Variants in TIAM2 observed in about 807,000 individuals in gnomAD.
The protein encoded by TIAM2 is TIAM Rac1 associated GEF 2, also known as rho guanine nucleotide exchange factor TIAM2.
In TIAM2, 80 loss-of-function variants were observed where a neutral mutation model predicts 152.9. The observed-to-expected ratio is 0.52, with a 90% confidence interval of 0.44 to 0.63. The LOEUF is 0.63. Among genes scored for constraint, TIAM2 ranks in the 30% least tolerant of loss-of-function variants. The pLI is 0.00. For synonymous variants in TIAM2, 804 were observed against 838.0 expected, an observed-to-expected ratio of 0.96 and a Z score of 0.70; for missense variants, 1,965 against 2,120.1, an observed-to-expected ratio of 0.93 and a Z score of 1.44.
intron 1 of TIAM2, among the ~76,000 whole-genome samples, chr6:155,022,004 C>G (rs1010369176): frequency 2.6e-5 from 4 of 152,172 alleles, no homozygotes; most frequent in African/African-American, 9.7e-5. Context: ...CAGTTTACCT[C>G]TCAGTTTAAT....
In TIAM2 at chr6:155,195,163, G is replaced by A. The variant is rs1781310267; in HGVS notation, c.3064+11663G>A. ...TTTTCAACAAGATTCTAAGGCTTAA[G>A]GTGTGCAAAATAAAACTTGTAACTA... On this transcript the variant is annotated intron_variant, in intron 14 of 26. Transcript: ENST00000682666. Among the ~76,000 whole-genome samples the A allele has an allele frequency of 2.0e-5, 3 of 152,198 alleles. No individual in the cohort carries two copies. In the South Asian group the frequency reaches 6.2e-4, roughly 32 times the overall value.
intron 16 of TIAM2, among the ~76,000 whole-genome samples, chr6:155,242,291 C>A (rs1583279178): frequency 6.6e-6 from 1 of 152,262 alleles, no homozygotes; most frequent in East Asian, 1.9e-4. Flanking sequence ...GTGATTCACA[C>A]ACACACCACC....
intron 1 of TIAM2, among the ~76,000 whole-genome samples, chr6:155,086,813 A>C (rs1440431239): frequency 6.6e-6 from 1 of 152,100 alleles, no homozygotes; most frequent in Non-Finnish European, 1.5e-5. Context: ...AAAGCAAGCC[A>C]AGCCACATAT....
rs769154779 is a variant in TIAM2, at chr6:155,244,681, G to A, written c.3441G>A (p.Leu1147=). Residue 1147 remains leucine (L), a synonymous_variant, in exon 18 of 27, where the codon TTG becomes TTA. Transcript: ENST00000682666. ...QDEMESLFGS[L]PEMLEFQKVF... is the part of the protein sequence containing the mutation. ...AGATGGAGTCACTTTTTGGAAGTTT[G>A]CCAGAGATGCTTGAGTTTCAGAAGG... 26 of 1,613,540 alleles carry A rather than the reference G, an allele frequency of 1.6e-5. No homozygotes were observed. The African/African-American group carries it at 2.9e-4, about 18-fold the overall frequency.
intron 11 of TIAM2, 41 bp downstream of exon 11, chr6:155,179,184 T>C (rs1780830968): frequency 1.3e-6 from 2 of 1,547,500 alleles, no homozygotes; most frequent in Non-Finnish European, 1.8e-6. Flanking sequence ...CTGAACCACA[T>C]CTATGGCCCT....
chr6:155,152,999 C>T (rs537929619), intron 7 of TIAM2, among the ~76,000 whole-genome samples: 148 of 152,250 alleles, frequency 9.7e-4, no homozygotes, highest in Non-Finnish European at 1.5e-3. Context: ...TAAACCCTTA[C>T]ATAAATCCAG....
At position 155,164,505 on chromosome 6, in the gene TIAM2, C is replaced by T. The variant is rs1306852172; in HGVS notation, c.2119C>T (p.Pro707Ser). 6.2e-7 allele frequency: 1 copy of T among 1,614,124 alleles called. No homozygotes were observed. Among genetic ancestry groups the T allele is most frequent in the East Asian group, 2.2e-5 (1 of 44,874 alleles). ...YLASLQGGEL[P>S]NPKSLLAAAS... ...GGCCAGCCTACAAGGTGGGGAGTTACCGAACCCAAAGAGTCTCCTTGCAGC... is the reference window on the plus strand; with the variant it reads ...GGCCAGCCTACAAGGTGGGGAGTTATCGAACCCAAAGAGTCTCCTTGCAGC... The change falls in exon 8 of 27, where the codon CCG becomes TCG. Residue 707 changes from proline (P) to serine (S), a missense_variant. Pro to Ser is a moderately conservative substitution (Grantham distance 74). Around this residue, in one of 3 missense-constraint regions of TIAM2, gnomAD observed 1,025 missense variants for 1,119.4 expected, o/e 0.92. Transcript: ENST00000682666.
chr6:155,098,213 A>G (rs1778462595), intron 2 of TIAM2, among the ~76,000 whole-genome samples: 1 of 152,078 alleles, frequency 6.6e-6, no homozygotes, highest in East Asian at 1.9e-4. Flanking sequence ...TTTGTGAGGA[A>G]TGTCATTGGT....
intron 17 of TIAM2, 54 bp from the exon 18 acceptor site, chr6:155,244,604 G>A (rs1783216221): frequency 1.3e-6 from 2 of 1,585,174 alleles, no homozygotes; most frequent in African/African-American, 1.4e-5. Flanking sequence ...AGTTAGCGTG[G>A]TGTCCTGAAC....
chr6:155,140,510 C>A (rs532891010), intron 5 of TIAM2, among the ~76,000 whole-genome samples: 1 of 151,820 alleles, frequency 6.6e-6, no homozygotes, highest in Non-Finnish European at 1.5e-5. Context: ...GTATACATCA[C>A]CCTAGTGGTG....
intron 1 of TIAM2, among the ~76,000 whole-genome samples, chr6:155,060,646 C>T (rs553404538): frequency 1.5e-4 from 23 of 151,146 alleles, no homozygotes; most frequent in African/African-American, 2.7e-4. Context: ...CTGTAATCCC[C>T]GTACTTTGGG....
intron 12 of TIAM2, among the ~76,000 whole-genome samples, chr6:155,179,901 C>T (rs2115136522): frequency 6.6e-6 from 1 of 152,298 alleles, no homozygotes; most frequent in East Asian, 1.9e-4. Context: ...TCCTGCTGTC[C>T]TTCAAGAACT....
chr6:155,256,821 C>T lies in TIAM2; in HGVS notation c.4806C>T (p.Asp1602=), dbSNP rs151248107. 277 of 1,614,156 alleles carry T rather than the reference C, an allele frequency of 1.7e-4. No homozygotes were observed. The African/African-American group carries it at 2.1e-3, about 12-fold the overall frequency. The part of the protein sequence containing the change: ...FQRLRISEDP[D]VHPEAEQQPG... ...GACTGAGGATTTCCGAGGACCCAGACGTTCACCCCGAGGCTGAGCAGCAGC... is the reference window on the plus strand; with the variant it reads ...GACTGAGGATTTCCGAGGACCCAGATGTTCACCCCGAGGCTGAGCAGCAGC... The change falls in exon 27 of 27, where the codon GAC becomes GAT. Residue 1602 remains aspartate (D), a synonymous_variant. Transcript: ENST00000682666.
At chr6:155,059,065 A>T (rs1256126892) in intron 1 of TIAM2, among the ~76,000 whole-genome samples, 1 of 152,182 alleles carries the variant, frequency 6.6e-6, no homozygotes, top group African/African-American at 2.4e-5. Context: ...ATTAACATTG[A>T]TACAATAATA....
At chr6:155,068,211 G>A (rs1777749032) in intron 1 of TIAM2, among the ~76,000 whole-genome samples, 1 of 152,094 alleles carries the variant, frequency 6.6e-6, no homozygotes, top group Non-Finnish European at 1.5e-5. Context: ...TTTGGCGTGT[G>A]TGTCTCCTGG....
intron 1 of TIAM2, among the ~76,000 whole-genome samples, chr6:155,051,107 T>C (rs1777306920): frequency 6.6e-6 from 1 of 152,102 alleles, no homozygotes; most frequent in African/African-American, 2.4e-5. Flanking sequence ...GGTTTTTTGG[T>C]TCTGATTGAG....
intron 14 of TIAM2, among the ~76,000 whole-genome samples, chr6:155,210,925 A>G (rs1382787963): frequency 6.6e-6 from 1 of 152,224 alleles, no homozygotes; most frequent in African/African-American, 2.4e-5. Context: ...CATAGTTCAC[A>G]CAACAACGAG....
rs191351777 is a variant in TIAM2 at position 155,094,393 on chromosome 6, A to G, written c.-118+4014A>G. Among the ~76,000 whole-genome samples, 338 of 152,306 alleles carry G rather than the reference A, an allele frequency of 2.2e-3. 2 individuals carry two copies. The highest frequency in any genetic ancestry group is 7.7e-3 in the African/African-American group (322 of 41,572). On this transcript the variant is annotated intron_variant, in intron 2 of 26. Transcript: ENST00000682666. ...TGTCCATAGTAGTAATGGAAAAACTAAAGATATTTTCATAGTTTCAAACTT... is the reference window on the plus strand; with the variant it reads ...TGTCCATAGTAGTAATGGAAAAACTGAAGATATTTTCATAGTTTCAAACTT...
intron 16 of TIAM2, 93 bp downstream of exon 16, chr6:155,240,802 C>A: frequency 2.3e-6 from 3 of 1,306,634 alleles, no homozygotes; most frequent in Non-Finnish European, 3.1e-6. Flanking sequence ...CTGCCCAGGA[C>A]ACCTGCCACT....
Sources: allele counts gnomAD v4.1 joint callset (sites outside exome capture counted in the v4.1 genomes callset), GRCh38; gene constraint gnomAD v4.1.1; regional missense constraint gnomAD v4.1.1; transcripts MANE v1.5; gene names NCBI Gene and HGNC (gene_info 2026-07-23, HGNC 2026-07-21).